The following ASIC2 variants were observed in gnomAD, a reference collection of about 807,000 sequenced individuals.
ASIC2 encodes acid-sensing ion channel 2.
In ASIC2, 25 loss-of-function variants were observed where a neutral mutation model predicts 57.3. That is an observed-to-expected ratio of 0.44 (90% confidence interval 0.32 to 0.61). The LOEUF is 0.61. Ranked by LOEUF, ASIC2 falls within the 20% of genes least tolerant of loss-of-function variation. The pLI is 0.06. For missense variants in ASIC2, 641 were observed against 738.1 expected (o/e 0.87, Z 1.52); for synonymous variants, 319 against 307.5 (o/e 1.04, Z -0.39).
intron 1 of ASIC2, among the ~76,000 whole-genome samples, chr17:34,061,183 G>A (rs549774019): frequency 6.6e-5 from 10 of 152,244 alleles, no homozygotes; most frequent in Admixed American, 5.2e-4. Flanking sequence ...AAGGGATTTG[G>A]GACCTATCTT....
At chr17:33,578,421 T>C (rs1916712178) in intron 1 of ASIC2, among the ~76,000 whole-genome samples, 1 of 152,216 alleles carries the variant, frequency 6.6e-6, no homozygotes, top group Non-Finnish European at 1.5e-5. Flanking sequence ...TCTGCTACCT[T>C]ACTCATTTAC....
chr17:33,534,724 A>G (rs989882815), intron 1 of ASIC2: 2 of 152,192 alleles, frequency 1.3e-5, no homozygotes, highest in Non-Finnish European at 2.9e-5. Context: ...TTAGACTAGA[A>G]TTCAGGTCCT....
intron 1 of ASIC2, among the ~76,000 whole-genome samples, chr17:33,250,622 C>G (rs1908848836): frequency 6.6e-6 from 1 of 152,198 alleles, no homozygotes; most frequent in Non-Finnish European, 1.5e-5. Flanking sequence ...TGGTTTGAAC[C>G]ACATTGGTCA....
At chr17:33,239,747 T>C (rs527457333) in intron 1 of ASIC2, among the ~76,000 whole-genome samples, 1 of 152,278 alleles carries the variant, frequency 6.6e-6, no homozygotes, top group South Asian at 2.1e-4. Flanking sequence ...ATAGAGACAT[T>C]TGCAAACCAT....
intron 1 of ASIC2, among the ~76,000 whole-genome samples, chr17:33,717,848 G>A (rs1255117138): frequency 6.6e-6 from 1 of 152,148 alleles, no homozygotes; most frequent in Non-Finnish European, 1.5e-5. Flanking sequence ...TATAAAAGCT[G>A]AGCTTAGTAC....
intron 1 of ASIC2, among the ~76,000 whole-genome samples, chr17:33,214,992 G>A (rs909081019): frequency 2.0e-5 from 3 of 152,186 alleles, no homozygotes; most frequent in Non-Finnish European, 4.4e-5. Context: ...TCTGGCTCAT[G>A]CTCACTTTCT....
intron 1 of ASIC2, among the ~76,000 whole-genome samples, chr17:33,685,217 T>C (rs1310995931): frequency 7.9e-5 from 12 of 152,132 alleles, no homozygotes; most frequent in Non-Finnish European, 1.8e-4. Flanking sequence ...GTTTGTTGCT[T>C]TCCAGATAAG....
At chr17:33,459,199 A>G (rs1010123960) in intron 1 of ASIC2, among the ~76,000 whole-genome samples, 4 of 152,008 alleles carry the variant, frequency 2.6e-5, no homozygotes, top group South Asian at 2.1e-4. Context: ...TTGGCTAGCC[A>G]TGGGGGCAGC....
chr17:33,947,315 G>A (rs1164736593), intron 1 of ASIC2, among the ~76,000 whole-genome samples: 1 of 152,186 alleles, frequency 6.6e-6, no homozygotes, highest in African/African-American at 2.4e-5. Flanking sequence ...CCAGGAAAAG[G>A]AGTACAGCTC....
intron 1 of ASIC2, among the ~76,000 whole-genome samples, chr17:33,902,610 G>C (rs754038408): frequency 2.0e-5 from 3 of 152,184 alleles, no homozygotes; most frequent in Non-Finnish European, 4.4e-5. Flanking sequence ...CCGGGCTGGG[G>C]CAGGTTCCAG....
At chr17:33,729,234 C>A (rs1304384080) in intron 1 of ASIC2, among the ~76,000 whole-genome samples, 1 of 152,088 alleles carries the variant, frequency 6.6e-6, no homozygotes, top group Admixed American at 6.5e-5. Flanking sequence ...CAGATGCATC[C>A]CTTTTGAAAG....
At chr17:34,047,789 T>G (rs1908394680) in intron 1 of ASIC2, among the ~76,000 whole-genome samples, 1 of 152,198 alleles carries the variant, frequency 6.6e-6, no homozygotes, top group Non-Finnish European at 1.5e-5. Context: ...ACTGTGAGAC[T>G]GCAGCCCTCA....
At chr17:33,723,819 C>T (rs1051582728) in intron 1 of ASIC2, among the ~76,000 whole-genome samples, 1 of 152,144 alleles carries the variant, frequency 6.6e-6, no homozygotes, top group Non-Finnish European at 1.5e-5. Flanking sequence ...AAGATGCAAC[C>T]CTATCAAGCA....
chr17:33,802,142 A>G (rs983736239), intron 1 of ASIC2, among the ~76,000 whole-genome samples: 4 of 152,260 alleles, frequency 2.6e-5, no homozygotes, highest in African/African-American at 9.6e-5. Context: ...TGGTCCCACA[A>G]GGCTGCAATG....
chr17:33,112,259 C>G, intron 1 of ASIC2, 192 bp from the exon 2 acceptor site: 1 of 701,938 alleles, frequency 1.4e-6, no homozygotes, highest in Non-Finnish European at 2.2e-6. Context: ...ATTTTGGCAT[C>G]AAAGAGCAAA....
chr17:33,218,122 AAAAT>A (rs755159816), intron 1 of ASIC2, among the ~76,000 whole-genome samples: 2 of 152,272 alleles, frequency 1.3e-5, no homozygotes, highest in African/African-American at 2.4e-5. Context: ...GTTTTTATTT[AAAAT>A]AAATCGGCCG....
intron 1 of ASIC2, among the ~76,000 whole-genome samples, chr17:33,410,054 A>G (rs1910602868): frequency 6.6e-6 from 1 of 152,218 alleles, no homozygotes; most frequent in Non-Finnish European, 1.5e-5. Flanking sequence ...TTGAGGATGT[A>G]TGGAAATTGG....
At chr17:33,146,768 C>T (rs1904579617) in intron 1 of ASIC2, among the ~76,000 whole-genome samples, 1 of 152,210 alleles carries the variant, frequency 6.6e-6, no homozygotes. Context: ...ACAGCCGAGG[C>T]CTAGGCCAGA....
rs977610356 is a variant in ASIC2, at chr17:33,026,072, G to T, written c.1139-90C>A. On this transcript the variant is annotated intron_variant, in intron 4 of 9. Transcript: ENST00000225823. ...CTGCTTTGGGCTTAGGGAAAGGGGT[G>T]CCTCCTGGCAGTTGAAGGGGCAGCG... 34 of 1,448,724 alleles carry T rather than the reference G, an allele frequency of 2.3e-5. No individual in the cohort carries two copies. The African/African-American group carries it at 4.2e-4, about 18-fold the overall frequency. 89.7% of individuals were successfully genotyped at this position (1,448,724 alleles called of 1,614,324 possible). A position where few individuals can be genotyped will look rare whatever the true frequency, so the allele number is the denominator to read the frequency against.
Sources: allele counts gnomAD v4.1 joint callset (sites outside exome capture counted in the v4.1 genomes callset), GRCh38; gene constraint gnomAD v4.1.1; transcripts MANE v1.5; gene names NCBI Gene and HGNC (gene_info 2026-07-23, HGNC 2026-07-21).